The following THADA variants were observed in gnomAD, a reference collection of about 807,000 sequenced individuals.
THADA encodes tRNA (32-2'-O)-methyltransferase regulator THADA.
A neutral mutation model predicts 219.8 loss-of-function variants in THADA; 213 were observed. The observed-to-expected ratio is 0.97, with a 90% confidence interval of 0.87 to 1.09. The LOEUF (loss-of-function observed/expected upper bound fraction) is 1.09, where lower values mean the gene tolerates loss of function less well. Ranked by LOEUF, THADA falls within the 50% of genes least tolerant of loss-of-function variation. The probability of loss-of-function intolerance (pLI) is 0.00; values close to 1 mark genes in which losing one functional copy is unlikely to be tolerated. For synonymous variants in THADA, 1,018 were observed against 828.9 expected (o/e 1.23, Z -3.92); for missense variants, 2,956 against 2,311.3 (o/e 1.28, Z -5.72).
intron 36 of THADA, among the ~76,000 whole-genome samples, chr2:43,271,344 G>T (rs892885722): frequency 6.6e-6 from 1 of 152,168 alleles, no homozygotes; most frequent in Admixed American, 6.5e-5. Context: ...AAGAAGTCAG[G>T]ACTAAGGCAG....
At chr2:43,305,972 T>C (rs1452583754) in intron 31 of THADA, among the ~76,000 whole-genome samples, 1 of 124,696 alleles carries the variant, frequency 8.0e-6, no homozygotes, top group Admixed American at 8.1e-5. Context: ...CTCCCTCCCT[T>C]CTCTCTCTCT....
chr2:43,496,886 A>G lies in THADA; in HGVS notation c.3744+1947T>C, dbSNP rs560069631. Among the ~76,000 whole-genome samples the G allele has an allele frequency of 8.2e-4, 125 of 152,338 alleles. 1 individual carries two copies. In the South Asian group the frequency reaches 8.3e-3, roughly 10 times the overall value. On this transcript the variant is annotated intron_variant, in intron 25 of 37. Coordinates refer to ENST00000405975, the MANE Select transcript of THADA (RefSeq NM_022065.5). The stretch of plus-strand genomic sequence containing the variant: ...ATTATTCATAATAGCCAAAAAGTGG[A>G]AACAACCTAAACGTCCATCAACAGA...
intron 37 of THADA, among the ~76,000 whole-genome samples, chr2:43,231,738 G>A (rs1475124567): frequency 6.6e-6 from 1 of 152,190 alleles, no homozygotes; most frequent in African/African-American, 2.4e-5. Flanking sequence ...GCAGGCCAGA[G>A]AGGAAGGAAT....
intron 29 of THADA, among the ~76,000 whole-genome samples, chr2:43,375,648 T>G (rs1671285994): frequency 1.3e-5 from 2 of 152,222 alleles, no homozygotes; most frequent in Non-Finnish European, 2.9e-5. Context: ...TGTAAATGTT[T>G]TCTTTTTCTA....
At chr2:43,482,957 A>G (rs897105038) in intron 26 of THADA, among the ~76,000 whole-genome samples, 1 of 152,194 alleles carries the variant, frequency 6.6e-6, no homozygotes, top group African/African-American at 2.4e-5. Context: ...TGCAAAGTGG[A>G]TAAGGGGGCC....
rs539269564 is a variant in THADA at position 43,482,740 on chromosome 2, A to G, written c.3836+2494T>C. On this transcript the variant is annotated intron_variant, in intron 26 of 37. Transcript: ENST00000405975. Reference sequence around the variant, plus strand: ...TAAGATACTGACCTTGTCCTCAAAAAGCACGGTCTTAAGAGCAAGACAATC... The same window carrying G: ...TAAGATACTGACCTTGTCCTCAAAAGGCACGGTCTTAAGAGCAAGACAATC... 3.9e-5 allele frequency among the ~76,000 whole-genome samples: 6 copies of G among 152,232 alleles called. No individual in the cohort carries two copies. The East Asian group carries it at 1.2e-3, about 29-fold the overall frequency.
intron 20 of THADA, among the ~76,000 whole-genome samples, chr2:43,542,961 C>T (rs1231580928): frequency 6.6e-6 from 1 of 151,508 alleles, no homozygotes; most frequent in African/African-American, 2.4e-5. Context: ...TGGTGTGCTG[C>T]ACCCATTAAC....
chr2:43,277,536 C>T (rs1467487404), intron 36 of THADA, among the ~76,000 whole-genome samples: 1 of 152,256 alleles, frequency 6.6e-6, no homozygotes, highest in Non-Finnish European at 1.5e-5. Context: ...CCCCAAGCTC[C>T]TCCAGCAGGC....
intron 22 of THADA, among the ~76,000 whole-genome samples, chr2:43,515,207 A>AATATATT (rs1691415620): frequency 9.3e-5 from 1 of 10,716 alleles, no homozygotes; most frequent in African/African-American, 3.8e-4. Flanking sequence ...TATAATATAT[A>AATATATT]ATATATAATA....
chr2:43,347,422 C>T (rs1271179662), intron 29 of THADA, among the ~76,000 whole-genome samples: 2 of 152,110 alleles, frequency 1.3e-5, no homozygotes, highest in East Asian at 1.9e-4. Context: ...GATATGCATA[C>T]GTGGCCTTAA....
intron 31 of THADA, among the ~76,000 whole-genome samples, chr2:43,302,875 C>A (rs148039953): frequency 2.0e-5 from 3 of 152,090 alleles, no homozygotes; most frequent in Non-Finnish European, 4.4e-5. Flanking sequence ...TATAAGCACA[C>A]CTGTGACTAG....
At chr2:43,435,300 G>A (rs1416890073) in intron 26 of THADA, among the ~76,000 whole-genome samples, 2 of 152,042 alleles carry the variant, frequency 1.3e-5, no homozygotes, top group South Asian at 2.1e-4. Context: ...ACTAAAAGAA[G>A]AATACAAAAT....
intron 34 of THADA, among the ~76,000 whole-genome samples, chr2:43,287,971 A>G (rs1425246603): frequency 3.3e-5 from 5 of 152,202 alleles, no homozygotes; most frequent in African/African-American, 1.2e-4. Context: ...GCTGGAGCAA[A>G]CAGGTGGGAC....
intron 20 of THADA, among the ~76,000 whole-genome samples, chr2:43,542,636 T>G (rs1297398785): frequency 6.6e-6 from 1 of 152,176 alleles, no homozygotes; most frequent in Non-Finnish European, 1.5e-5. Flanking sequence ...ACTAATAAGG[T>G]TTGTTTCCTT....
rs1697329869 is a variant in THADA at position 43,556,261 on chromosome 2, A to G, written c.2674+84T>C. The stretch of plus-strand genomic sequence containing the variant: ...ACTTTTAAATAAAAAACCACAAAAT[A>G]TATGTTTAACCATTAGATATTCTAA... On this transcript the variant is annotated intron_variant, in intron 17 of 37. Coordinates refer to ENST00000405975, the MANE Select transcript of THADA (RefSeq NM_022065.5). 11 of 1,539,892 alleles carry G rather than the reference A, an allele frequency of 7.1e-6. No individual in the cohort carries two copies. The South Asian group carries it at 1.0e-4, about 14-fold the overall frequency.
intron 15 of THADA, chr2:43,564,236 A>T (rs1574277274): frequency 6.6e-6 from 1 of 152,376 alleles, no homozygotes; most frequent in East Asian, 1.9e-4. Flanking sequence ...CATTCACTGG[A>T]TGCTGTAACA....
intron 28 of THADA, among the ~76,000 whole-genome samples, chr2:43,403,143 A>C (rs1478085035): frequency 6.6e-6 from 1 of 152,192 alleles, no homozygotes; most frequent in Non-Finnish European, 1.5e-5. Flanking sequence ...AACTAGCATA[A>C]AGCCTGCATT....
intron 21 of THADA, among the ~76,000 whole-genome samples, chr2:43,538,993 T>C (rs1048569691): frequency 5.3e-5 from 8 of 152,220 alleles, no homozygotes; most frequent in African/African-American, 1.9e-4. Flanking sequence ...GTCATCTACA[T>C]TCAAGTCATC....
Position 43,266,340 on chromosome 2 carries a change from C to T in THADA, c.5296+13425G>A, listed in dbSNP as rs578084364. Among the ~76,000 whole-genome samples, 13 of 152,308 alleles carry T rather than the reference C, an allele frequency of 8.5e-5. No individual in the cohort carries two copies. The East Asian group carries it at 1.9e-3, about 23-fold the overall frequency. ...GGCATGGTGGCTCACGCCTGTGATC[C>T]CAGCACTTTGGGAGGCCGAGGCGGG... is the stretch of plus-strand genomic sequence containing the variant. On this transcript the variant is annotated intron_variant, in intron 36 of 37. Transcript: ENST00000405975.
Sources: allele counts gnomAD v4.1 joint callset (sites outside exome capture counted in the v4.1 genomes callset), GRCh38; gene constraint gnomAD v4.1.1; transcripts MANE v1.5; gene names NCBI Gene and HGNC (gene_info 2026-07-23, HGNC 2026-07-21).